PPP2R5C: variants seen among roughly 807,000 people sequenced by gnomAD.
PPP2R5C encodes the protein serine/threonine-protein phosphatase 2A 56 kDa regulatory subunit gamma isoform.
PPP2R5C carries 7 observed loss-of-function variants against 68.9 expected under a neutral mutation model. That is an observed-to-expected ratio of 0.10 (90% CI 0.06 to 0.19). The LOEUF (loss-of-function observed/expected upper bound fraction) is 0.19, where lower values mean the gene tolerates loss of function less well. Ranked by LOEUF, PPP2R5C falls within the 10% of genes least tolerant of loss-of-function variation. The pLI, the probability that PPP2R5C is intolerant of heterozygous loss-of-function variation, is 1.00. For missense variants in PPP2R5C, 348 were observed against 641.3 expected (o/e 0.54, Z 4.94); for synonymous variants, 210 against 222.2 (o/e 0.95, Z 0.49).
At chr14:101,886,639 A>G (rs1352249862) in intron 5 of PPP2R5C, among the ~76,000 whole-genome samples, 2 of 151,770 alleles carry the variant, frequency 1.3e-5, no homozygotes, top group Non-Finnish European at 2.9e-5. Flanking sequence ...CAATACCACT[A>G]CCTCCTCATT....
intron 2 of PPP2R5C, among the ~76,000 whole-genome samples, chr14:101,872,007 CT>C (rs1448343016): frequency 2.0e-5 from 3 of 151,604 alleles, no homozygotes; most frequent in Non-Finnish European, 2.9e-5. Context: ...TTTTATTATA[CT>C]TTAAGTTTTC....
intron 2 of PPP2R5C, among the ~76,000 whole-genome samples, chr14:101,871,852 T>A (rs937674515): frequency 6.6e-6 from 1 of 152,190 alleles, no homozygotes; most frequent in South Asian, 2.1e-4. Flanking sequence ...AGCGATAACA[T>A]ACTATTTCAT....
chr14:101,861,336 A>G (rs1595398993), intron 2 of PPP2R5C, among the ~76,000 whole-genome samples: 1 of 152,320 alleles, frequency 6.6e-6, no homozygotes, highest in East Asian at 1.9e-4. Flanking sequence ...AAATCAGGGG[A>G]TCACAGATAC....
At chr14:101,921,222 C>A in intron 13 of PPP2R5C, 1 of 235,682 alleles carries the variant, frequency 4.2e-6, no homozygotes, top group Non-Finnish European at 8.8e-6. Flanking sequence ...CACCACCACA[C>A]TCAGCTGATT....
intron 7 of PPP2R5C, among the ~76,000 whole-genome samples, chr14:101,893,970 G>T (rs1481104975): frequency 6.6e-6 from 1 of 152,234 alleles, no homozygotes; most frequent in Non-Finnish European, 1.5e-5. Flanking sequence ...AGGCACAGGG[G>T]TGCACAAGGC....
At chr14:101,839,353 A>C (rs1595338244) in intron 1 of PPP2R5C, 2 of 151,568 alleles carry the variant, frequency 1.3e-5, no homozygotes, top group African/African-American at 4.8e-5. Context: ...CTGTCTCCAA[A>C]AAAAAAAAAG....
upstream of PPP2R5C, among the ~76,000 whole-genome samples, chr14:101,761,565 A>C (rs1400861744): frequency 2.2e-4 from 27 of 125,046 alleles, no homozygotes; most frequent in African/African-American, 7.5e-4. Flanking sequence ...TGTTGAGTGC[A>C]GCGGGGCGGG....
chr14:101,779,637 A>C (rs2037579100), intron 2 of PPP2R5C, among the ~76,000 whole-genome samples: 1 of 152,094 alleles, frequency 6.6e-6, no homozygotes, highest in Admixed American at 6.5e-5. Flanking sequence ...AGTCCTGGAA[A>C]AATAAGTGTG....
In PPP2R5C at chr14:101,810,408, CAG is replaced by C. The variant is rs1410798529; in HGVS notation, c.94+375_94+376del. ...CGCGCCTGGCCAAGTTGTTCGTACG[CAG>C]AGTTTCTGTTACATATGTGTGGCTT... On this transcript the variant is annotated intron_variant, in intron 1 of 13. Transcript: ENST00000334743. 14 of 183,248 alleles carry C rather than the reference CAG, an allele frequency of 7.6e-5. 1 individual carries two copies. Among genetic ancestry groups the C allele is most frequent in the African/African-American group, 1.4e-4 (6 of 42,406 alleles). The allele number at this position is 183,248 out of a possible 1,614,324, so 11.4% of individuals were successfully genotyped here.
At chr14:101,856,324 T>G (rs747381086) in intron 1 of PPP2R5C, among the ~76,000 whole-genome samples, 1 of 152,218 alleles carries the variant, frequency 6.6e-6, no homozygotes, top group Non-Finnish European at 1.5e-5. Flanking sequence ...TCCCCAGACA[T>G]GGACCTTACT....
At chr14:101,912,673 AG>A (rs1238401383) in intron 12 of PPP2R5C, 200 bp downstream of exon 14, 6 of 1,170,978 alleles carry the variant, frequency 5.1e-6, no homozygotes, top group Non-Finnish European at 6.6e-6. Flanking sequence ...GTTTTACCAC[AG>A]AATTGACTTT....
intron 1 of PPP2R5C, chr14:101,824,504 T>G (rs2040279505): frequency 6.0e-6 from 1 of 167,294 alleles, no homozygotes; most frequent in Admixed American, 5.8e-5. Context: ...TCAGCATATG[T>G]GCTGTTGCTA....
At chr14:101,875,894 T>G (rs1014114476) in intron 2 of PPP2R5C, among the ~76,000 whole-genome samples, 6 of 152,236 alleles carry the variant, frequency 3.9e-5, no homozygotes, top group Non-Finnish European at 8.8e-5. Flanking sequence ...ATTAGAGTTT[T>G]CTGCTTTCTC....
intron 3 of PPP2R5C, among the ~76,000 whole-genome samples, chr14:101,791,891 G>T (rs1476747481): frequency 1.3e-5 from 2 of 152,070 alleles, no homozygotes; most frequent in African/African-American, 4.8e-5. Context: ...TTGTGTACCT[G>T]ATTTTTTTTA....
intron 8 of PPP2R5C, among the ~76,000 whole-genome samples, chr14:101,901,444 G>A (rs138633364): frequency 1.3e-5 from 2 of 152,172 alleles, no homozygotes; most frequent in Non-Finnish European, 2.9e-5. Flanking sequence ...AGGATCACTT[G>A]AGCCAAGGAG....
chr14:101,881,701 C>T (rs1167533128), intron 2 of PPP2R5C, among the ~76,000 whole-genome samples: 3 of 152,226 alleles, frequency 2.0e-5, no homozygotes, highest in African/African-American at 7.2e-5. Flanking sequence ...GATGTTGGTG[C>T]CATTGTCACA....
intron 5 of PPP2R5C, 33 bp from the exon 8 acceptor site, chr14:101,890,204 G>A (rs1234646214): frequency 6.3e-7 from 1 of 1,579,940 alleles, no homozygotes; most frequent in South Asian, 1.1e-5. Flanking sequence ...TTAGTTCAGT[G>A]TCTAATTCTA....
At chr14:101,821,440 G>GTGTGTGTGTGT in intron 1 of PPP2R5C, among the ~76,000 whole-genome samples, 1 of 132,108 alleles carries the variant, frequency 7.6e-6, no homozygotes, top group African/African-American at 2.7e-5. Context: ...CCCTGTGGGG[G>GTGTGTGTGTGT]GTGGGTGGGT....
chr14:101,911,221 C>T (rs1336679947), intron 11 of PPP2R5C, among the ~76,000 whole-genome samples: 4 of 152,180 alleles, frequency 2.6e-5, no homozygotes, highest in Non-Finnish European at 5.9e-5. Context: ...TTGCAGTGAG[C>T]CAAGATCACG....
Sources: allele counts gnomAD v4.1 joint callset (sites outside exome capture counted in the v4.1 genomes callset), GRCh38; gene constraint gnomAD v4.1.1; transcripts MANE v1.5; gene names NCBI Gene and HGNC (gene_info 2026-07-23, HGNC 2026-07-21).